The following RBMS3 variants were observed in gnomAD, a reference collection of about 807,000 sequenced individuals.
The protein encoded by RBMS3 is RNA binding motif single stranded interacting protein 3, also known as RNA-binding motif, single-stranded-interacting protein 3.
In RBMS3, 27 loss-of-function variants were observed where a neutral mutation model predicts 66.8. The observed-to-expected ratio is 0.40, with a 90% CI of 0.30 to 0.56. The LOEUF (loss-of-function observed/expected upper bound fraction) is 0.56, where lower values mean the gene tolerates loss of function less well. Ranked by LOEUF, RBMS3 falls within the 20% of genes least tolerant of loss-of-function variation. The probability of loss-of-function intolerance (pLI) is 0.40; values close to 1 mark genes in which losing one functional copy is unlikely to be tolerated. For missense variants in RBMS3, 513 were observed against 549.5 expected, an observed-to-expected ratio of 0.93 and a Z score of 0.66; for synonymous variants, 188 against 183.0, an observed-to-expected ratio of 1.03 and a Z score of -0.22.
chr3:29,414,130 G>C (rs2040382973), intron 1 of RBMS3, among the ~76,000 whole-genome samples: 1 of 152,170 alleles, frequency 6.6e-6, no homozygotes, highest in African/African-American at 2.4e-5. Context: ...TCTAATCACT[G>C]TTGAATCATC....
chr3:29,926,692 A>T (rs1441555091), intron 10 of RBMS3: 1 of 152,182 alleles, frequency 6.6e-6, no homozygotes, highest in Non-Finnish European at 1.5e-5. Context: ...TAAACATTTT[A>T]CCAGACAAAA....
intron 1 of RBMS3, among the ~76,000 whole-genome samples, chr3:29,380,608 T>G (rs1559533387): frequency 6.6e-6 from 1 of 152,154 alleles, no homozygotes. Flanking sequence ...CATAGAGGGA[T>G]TAGGTAAATT....
intron 3 of RBMS3, among the ~76,000 whole-genome samples, chr3:29,546,864 C>T (rs988196528): frequency 6.6e-6 from 1 of 152,142 alleles, no homozygotes; most frequent in Non-Finnish European, 1.5e-5. Context: ...GTCTATAACA[C>T]CTGTAGACAT....
At chr3:29,728,979 AAT>A (rs1043038674) in intron 4 of RBMS3, among the ~76,000 whole-genome samples, 8 of 151,584 alleles carry the variant, frequency 5.3e-5, no homozygotes, top group East Asian at 1.9e-4. Context: ...TTATGTGTTA[AAT>A]ATATATATAT....
intron 1 of RBMS3, among the ~76,000 whole-genome samples, chr3:29,366,039 G>A (rs1419694688): frequency 2.0e-5 from 3 of 152,132 alleles, no homozygotes; most frequent in Non-Finnish European, 2.9e-5. Context: ...TTTTAGCAGA[G>A]AGGATGTGAA....
chr3:29,544,397 T>A (rs954036028), intron 3 of RBMS3, among the ~76,000 whole-genome samples: 10 of 152,092 alleles, frequency 6.6e-5, no homozygotes, highest in African/African-American at 2.4e-4. Flanking sequence ...TTGTTTTTTT[T>A]TAGGAGATGT....
At chr3:29,626,741 G>A (rs981007958) in intron 4 of RBMS3, among the ~76,000 whole-genome samples, 2 of 152,116 alleles carry the variant, frequency 1.3e-5, no homozygotes, top group African/African-American at 4.8e-5. Flanking sequence ...ATTACAAAGT[G>A]TAATATAGTA....
chr3:29,728,237 G>C (rs561338567), intron 4 of RBMS3, among the ~76,000 whole-genome samples: 15 of 151,926 alleles, frequency 9.9e-5, no homozygotes, highest in Non-Finnish European at 2.1e-4. Flanking sequence ...GGAGAGGATT[G>C]GGACAAATAC....
At chr3:29,545,501 G>A (rs934388039) in intron 3 of RBMS3, among the ~76,000 whole-genome samples, 1 of 152,078 alleles carries the variant, frequency 6.6e-6, no homozygotes, top group Non-Finnish European at 1.5e-5. Flanking sequence ...AATCTTACAT[G>A]TTGTTAATTT....
At chr3:29,599,922 A>G (rs1010002160) in intron 4 of RBMS3, among the ~76,000 whole-genome samples, 1 of 152,128 alleles carries the variant, frequency 6.6e-6, no homozygotes, top group African/African-American at 2.4e-5. Flanking sequence ...AAAGACAAAT[A>G]TAGTAAACAA....
chr3:29,637,986 C>T (rs902443113), intron 4 of RBMS3, among the ~76,000 whole-genome samples: 1 of 151,890 alleles, frequency 6.6e-6, no homozygotes, highest in African/African-American at 2.4e-5. Flanking sequence ...CTCCTTTGAA[C>T]ATCCATCCAT....
At chr3:29,906,463 T>G (rs1433636651) in intron 10 of RBMS3, among the ~76,000 whole-genome samples, 2 of 151,382 alleles carry the variant, frequency 1.3e-5, no homozygotes, top group Non-Finnish European at 3.0e-5. Context: ...ATTAATCCAT[T>G]CATGAGGACA....
At chr3:29,355,578 G>A (rs1374829111) in intron 1 of RBMS3, among the ~76,000 whole-genome samples, 2 of 151,046 alleles carry the variant, frequency 1.3e-5, no homozygotes, top group Non-Finnish European at 2.9e-5. Context: ...AGGAAAAAAT[G>A]TTGATGATAC....
At chr3:29,941,848 A>G (rs1161416152) in intron 11 of RBMS3, among the ~76,000 whole-genome samples, 1 of 151,828 alleles carries the variant, frequency 6.6e-6, no homozygotes, top group Admixed American at 6.6e-5. Flanking sequence ...CATCAAATAA[A>G]GCTATCAAAA....
At chr3:29,417,869 G>A (rs12632669) in intron 1 of RBMS3, among the ~76,000 whole-genome samples, 15,981 of 152,044 alleles carry the variant, frequency 0.11, 1,164 homozygotes, top group East Asian at 0.29. Flanking sequence ...ATTGTCTATC[G>A]TTTATCAATA....
At chr3:29,323,677 G>C (rs1388858146) in intron 1 of RBMS3, among the ~76,000 whole-genome samples, 6 of 126,372 alleles carry the variant, frequency 4.7e-5, no homozygotes, top group African/African-American at 2.0e-4. Context: ...GACACATACA[G>C]TTACACACAC....
intron 6 of RBMS3, among the ~76,000 whole-genome samples, chr3:29,790,855 C>A (rs1480416624): frequency 6.6e-6 from 1 of 152,166 alleles, no homozygotes; most frequent in African/African-American, 2.4e-5. Context: ...TTAGCATGAT[C>A]TTTAAAATAC....
At chr3:29,346,182 A>G (rs1037576516) in intron 1 of RBMS3, among the ~76,000 whole-genome samples, 26 of 152,188 alleles carry the variant, frequency 1.7e-4, no homozygotes, top group East Asian at 1.5e-3. Context: ...TTACTTGCAT[A>G]TTGCTTCTCC....
chr3:29,747,385 G>C (rs1397252470), intron 5 of RBMS3, among the ~76,000 whole-genome samples: 1 of 134,406 alleles, frequency 7.4e-6, no homozygotes. Context: ...TAGGTAGGTA[G>C]GTAGGTAGAT....
Sources: allele counts gnomAD v4.1 joint callset (sites outside exome capture counted in the v4.1 genomes callset), GRCh38; gene constraint gnomAD v4.1.1; transcripts MANE v1.5; gene names NCBI Gene and HGNC (gene_info 2026-07-23, HGNC 2026-07-21).